TTC23: variants seen among roughly 807,000 people sequenced by gnomAD.
The protein encoded by TTC23 is tetratricopeptide repeat protein 23.
In TTC23, 58 loss-of-function variants were observed where a neutral mutation model predicts 55.1. That is an observed-to-expected ratio of 1.05 (90% confidence interval 0.85 to 1.31). The LOEUF (loss-of-function observed/expected upper bound fraction) is 1.31, where lower values mean the gene tolerates loss of function less well. TTC23 is among the 50% of genes most tolerant of loss of function. The pLI is 0.00. For synonymous variants in TTC23, 203 were observed against 199.9 expected, an observed-to-expected ratio of 1.02 and a Z score of -0.13; for missense variants, 516 against 534.4, an observed-to-expected ratio of 0.97 and a Z score of 0.34.
intron 12 of TTC23, chr15:99,148,385 A>AAAAAAAAAAAAAAAAAAAAAAAAAAC (rs1555495125): frequency 6.8e-6 from 1 of 146,176 alleles, no homozygotes; most frequent in Non-Finnish European, 1.5e-5. Context: ...AAAAAAAAAA[A>AAAAAAAAAAAAAAAAAAAAAAAAAAC]AAGACCTTCT....
chr15:99,239,845 G>T (rs765953829), intron 3 of TTC23, among the ~76,000 whole-genome samples: 1 of 152,102 alleles, frequency 6.6e-6, no homozygotes, highest in Non-Finnish European at 1.5e-5. Flanking sequence ...ACTTTCACAT[G>T]TTTTATCTCA....
chr15:99,148,138 G>A (rs1206478918), intron 12 of TTC23, among the ~76,000 whole-genome samples: 2 of 151,808 alleles, frequency 1.3e-5, no homozygotes, highest in Non-Finnish European at 2.9e-5. Flanking sequence ...CGAGGCAGGT[G>A]GATCATGAGG....
chr15:99,223,857 G>A (rs1206166896), intron 5 of TTC23, among the ~76,000 whole-genome samples: 2 of 152,180 alleles, frequency 1.3e-5, no homozygotes, highest in Non-Finnish European at 2.9e-5. Flanking sequence ...AAGTTATTGG[G>A]GTGTCATGCA....
At chr15:99,145,670 GTC>G (rs375413021) in intron 12 of TTC23, among the ~76,000 whole-genome samples, 3 of 152,022 alleles carry the variant, frequency 2.0e-5, no homozygotes, top group Non-Finnish European at 4.4e-5. Context: ...CTCAGTCTAT[GTC>G]TCTCTCTCTG....
chr15:99,211,032 A>G (rs924415031), intron 8 of TTC23, among the ~76,000 whole-genome samples: 3 of 152,174 alleles, frequency 2.0e-5, no homozygotes, highest in Non-Finnish European at 4.4e-5. Flanking sequence ...CACAACTTCA[A>G]TGAATCAAGA....
At chr15:99,174,330 C>T (rs1342477860) in intron 10 of TTC23, among the ~76,000 whole-genome samples, 1 of 152,130 alleles carries the variant, frequency 6.6e-6, no homozygotes, top group Non-Finnish European at 1.5e-5. Flanking sequence ...CCATGCCTTC[C>T]AGATGTTGAT....
chr15:99,201,425 A>G (rs192333030), intron 8 of TTC23, among the ~76,000 whole-genome samples: 1 of 152,276 alleles, frequency 6.6e-6, no homozygotes, highest in East Asian at 1.9e-4. Flanking sequence ...TTAATACCAA[A>G]AGGCCTTGTG....
chr15:99,251,150 AT>A (rs2080714840), upstream of TTC23: 2 of 152,188 alleles, frequency 1.3e-5, no homozygotes, highest in Non-Finnish European at 2.9e-5. Context: ...AGCCGACTAA[AT>A]TACCCCTTCA....
intron 6 of TTC23, among the ~76,000 whole-genome samples, chr15:99,219,647 A>G (rs2077751511): frequency 6.6e-6 from 1 of 152,180 alleles, no homozygotes; most frequent in Non-Finnish European, 1.5e-5. Context: ...AAAAATCACT[A>G]CTAAGAAAGA....
chr15:99,139,191 C>T (rs782606635), intron 13 of TTC23, 126 bp downstream of exon 13: 1 of 1,219,262 alleles, frequency 8.2e-7, no homozygotes, highest in South Asian at 1.3e-5. Context: ...GTCCTTTATG[C>T]AAGTTATGGG....
At chr15:99,161,313 C>T (rs1313748331) in intron 11 of TTC23, among the ~76,000 whole-genome samples, 1 of 152,118 alleles carries the variant, frequency 6.6e-6, no homozygotes, top group Non-Finnish European at 1.5e-5. Context: ...TCATAAGCCA[C>T]GTAAATCACG....
chr15:99,202,523 T>C (rs2076282804), intron 8 of TTC23, among the ~76,000 whole-genome samples: 1 of 152,218 alleles, frequency 6.6e-6, no homozygotes, highest in Admixed American at 6.5e-5. Context: ...CATGCATTCA[T>C]TGATATATAA....
intron 9 of TTC23, among the ~76,000 whole-genome samples, chr15:99,187,935 G>C (rs2074874102): frequency 6.6e-6 from 1 of 152,008 alleles, no homozygotes; most frequent in South Asian, 2.1e-4. Flanking sequence ...TAGCATAGTA[G>C]TTCCTTGGAA....
chr15:99,241,770 G>C (rs892096684), intron 2 of TTC23, among the ~76,000 whole-genome samples: 2 of 152,232 alleles, frequency 1.3e-5, no homozygotes. Flanking sequence ...GTTGGAGGCT[G>C]ACTTGTGGAG....
rs569560308 is a variant in TTC23, at chr15:99,171,339, T to G, written c.865+3711A>C. On this transcript the variant is annotated intron_variant, in intron 10 of 13. Coordinates refer to ENST00000394132, the MANE Select transcript of TTC23 (RefSeq NM_001288615.3). ...GGGGTAGAACAACGAGTAGAGACAG[T>G]AGGTCCTTCAGATTCATGGTACTTT... Among the ~76,000 whole-genome samples, 3 of 152,218 alleles carry G rather than the reference T, an allele frequency of 2.0e-5. 1 individual carries two copies. In the South Asian group the frequency reaches 6.2e-4, roughly 32 times the overall value.
intron 9 of TTC23, among the ~76,000 whole-genome samples, chr15:99,195,878 A>G (rs913581355): frequency 4.0e-5 from 6 of 151,832 alleles, no homozygotes; most frequent in African/African-American, 4.8e-5. Flanking sequence ...AAAAAAAAAA[A>G]AAAAGAAAAG....
chr15:99,234,345 AATTT>A (rs1266781158), intron 4 of TTC23, among the ~76,000 whole-genome samples: 5 of 152,090 alleles, frequency 3.3e-5, no homozygotes, highest in East Asian at 1.9e-4. Context: ...ACAAATGGGC[AATTT>A]ATTTATTTAT....
At chr15:99,206,916 T>C (rs557174863) in intron 8 of TTC23, among the ~76,000 whole-genome samples, 1 of 152,280 alleles carries the variant, frequency 6.6e-6, no homozygotes, top group Admixed American at 6.5e-5. Flanking sequence ...GAAGGTTTTC[T>C]ACTTTTTGGA....
chr15:99,246,863 T>C (rs994101549), intron 1 of TTC23, among the ~76,000 whole-genome samples: 2 of 152,040 alleles, frequency 1.3e-5, no homozygotes, highest in East Asian at 1.9e-4. Context: ...GACATTGCAG[T>C]GGGCCGAGAT....
Sources: allele counts gnomAD v4.1 joint callset (sites outside exome capture counted in the v4.1 genomes callset), GRCh38; gene constraint gnomAD v4.1.1; transcripts MANE v1.5; gene names NCBI Gene and HGNC (gene_info 2026-07-23, HGNC 2026-07-21).